The following AKAP19 variants were observed in gnomAD, a reference collection of about 807,000 sequenced individuals.
AKAP19 encodes small A-kinase anchoring protein.
the AKAP19 span, among the ~76,000 whole-genome samples, chr2:190,005,293 C>T: frequency 1.3e-5 from 2 of 152,200 alleles, no homozygotes; most frequent in Non-Finnish European, 2.9e-5. Flanking sequence ...CTGCCCACAT[C>T]CTGCTGATTG....
chr2:190,061,789 T>C, the AKAP19 span, among the ~76,000 whole-genome samples: 2 of 151,452 alleles, frequency 1.3e-5, no homozygotes, highest in African/African-American at 4.8e-5. Context: ...TCAGCAGTGC[T>C]CAAGTAAGCT....
chr2:190,062,182 C>T, the AKAP19 span: 2 of 1,606,460 alleles, frequency 1.2e-6, no homozygotes, highest in East Asian at 2.2e-5. Context: ...ACTAGAACAA[C>T]AGTCAGCAGA....
At chr2:190,096,860 A>C in the AKAP19 span, among the ~76,000 whole-genome samples, 1 of 152,102 alleles carries the variant, frequency 6.6e-6, no homozygotes, top group East Asian at 1.9e-4. Flanking sequence ...GCATCCTCAC[A>C]TGGTGGAAGA....
the AKAP19 span, among the ~76,000 whole-genome samples, chr2:190,151,876 G>A: frequency 1.4e-4 from 22 of 152,062 alleles, no homozygotes; most frequent in South Asian, 2.1e-4. Context: ...GGTGGCAGGC[G>A]CCTGTAATCC....
the AKAP19 span, among the ~76,000 whole-genome samples, chr2:190,038,904 C>CT: frequency 0.026 from 2,289 of 88,888 alleles, 71 homozygotes; most frequent in African/African-American, 0.074. Context: ...TTCTTTCTTT[C>CT]TTCTTCTTCT....
chr2:189,992,050 ATTT>A, the AKAP19 span, among the ~76,000 whole-genome samples: 17 of 121,938 alleles, frequency 1.4e-4, no homozygotes, highest in Middle Eastern at 4.4e-3. Context: ...TATTAAATAG[ATTT>A]TTTTTTTTTT....
chr2:190,114,444 TTTTGTTTG>T, the AKAP19 span, among the ~76,000 whole-genome samples: 1,379 of 151,906 alleles, frequency 9.1e-3, 9 homozygotes, highest in Non-Finnish European at 0.014. Flanking sequence ...AAAGAAAGTG[TTTTGTTTG>T]TTTGTTTGTT....
At chr2:189,975,372 C>T in the AKAP19 span, among the ~76,000 whole-genome samples, 5 of 152,336 alleles carry the variant, frequency 3.3e-5, no homozygotes, top group African/African-American at 1.2e-4. Context: ...ATGGGCTTCC[C>T]TTTGTGGGTA....
chr2:190,175,401 T>C, the AKAP19 span, among the ~76,000 whole-genome samples: 4 of 152,204 alleles, frequency 2.6e-5, no homozygotes, highest in Non-Finnish European at 5.9e-5. Context: ...GCTTATATAG[T>C]TGTAAATATA....
the AKAP19 span, among the ~76,000 whole-genome samples, chr2:190,114,558 C>T: frequency 6.6e-6 from 1 of 152,186 alleles, no homozygotes; most frequent in African/African-American, 2.4e-5. Flanking sequence ...TGGATTCACG[C>T]CATTCTCCTG....
chr2:190,194,281 A>AT, the AKAP19 span, among the ~76,000 whole-genome samples: 2 of 151,768 alleles, frequency 1.3e-5, no homozygotes, highest in Admixed American at 6.6e-5. Context: ...CAGAACACGT[A>AT]TTTTTTCTTT....
chr2:190,195,223 C>T, the AKAP19 span, among the ~76,000 whole-genome samples: 3 of 152,144 alleles, frequency 2.0e-5, no homozygotes, highest in African/African-American at 7.2e-5. Context: ...TACCCATTCA[C>T]CAAGAAGGAC....
chr2:189,986,980 A>G, the AKAP19 span, among the ~76,000 whole-genome samples: 1 of 152,188 alleles, frequency 6.6e-6, no homozygotes, highest in Non-Finnish European at 1.5e-5. Flanking sequence ...AGGCAGGCTT[A>G]GAAAACATGT....
chr2:190,015,438 C>T, the AKAP19 span, among the ~76,000 whole-genome samples: 4 of 152,262 alleles, frequency 2.6e-5, no homozygotes, highest in Non-Finnish European at 4.4e-5. Flanking sequence ...TGCCAAGTCC[C>T]GAGGCTGCAC....
chr2:190,029,527 G>C, the AKAP19 span, among the ~76,000 whole-genome samples: 1 of 152,126 alleles, frequency 6.6e-6, no homozygotes, highest in Non-Finnish European at 1.5e-5. Context: ...ATACATTGTT[G>C]AGTGAAAAAA....
At chr2:190,001,716 G>A in the AKAP19 span, among the ~76,000 whole-genome samples, 1 of 152,078 alleles carries the variant, frequency 6.6e-6, no homozygotes, top group African/African-American at 2.4e-5. Flanking sequence ...GTAAGCAGAG[G>A]AACACTTTCA....
the AKAP19 span, among the ~76,000 whole-genome samples, chr2:189,892,113 A>G: frequency 6.6e-6 from 1 of 151,764 alleles, no homozygotes; most frequent in Non-Finnish European, 1.5e-5. Context: ...TAAACTGGTT[A>G]TTGTAGTTAG....
At chr2:189,934,636 CTTTTA>C in the AKAP19 span, among the ~76,000 whole-genome samples, 1 of 151,458 alleles carries the variant, frequency 6.6e-6, no homozygotes, top group African/African-American at 2.4e-5. Context: ...TTAAATTTTT[CTTTTA>C]TAATTCCCAG....
chr2:189,909,971 C>T, the AKAP19 span, among the ~76,000 whole-genome samples: 2 of 151,428 alleles, frequency 1.3e-5, no homozygotes, highest in Non-Finnish European at 2.9e-5. Context: ...GGTCACATGT[C>T]TATAATGAAG....
Sources: allele counts gnomAD v4.1 joint callset (sites outside exome capture counted in the v4.1 genomes callset), GRCh38; gene constraint gnomAD v4.1.1; transcripts MANE v1.5; gene names NCBI Gene and HGNC (gene_info 2026-07-23, HGNC 2026-07-21).